The following GET4 variants were observed in gnomAD, a reference collection of about 807,000 sequenced individuals.
GET4 encodes the protein Golgi to ER traffic protein 4 homolog.
A neutral mutation model predicts 40.0 loss-of-function variants in GET4; 20 were observed. The ratio of observed to expected loss-of-function variants is 0.50; its 90% CI spans 0.35 to 0.73. The LOEUF is 0.73. Among genes scored for constraint, GET4 ranks in the 30% least tolerant of loss-of-function variants. The probability of loss-of-function intolerance (pLI) is 0.01; values close to 1 mark genes in which losing one functional copy is unlikely to be tolerated. For synonymous variants in GET4, 280 were observed against 194.6 expected, an observed-to-expected ratio of 1.44 and a Z score of -3.65; for missense variants, 557 against 454.0, an observed-to-expected ratio of 1.23 and a Z score of -2.06.
intron 1 of GET4, chr7:884,176 T>C: frequency 7.7e-7 from 1 of 1,296,638 alleles, no homozygotes; most frequent in African/African-American, 1.5e-5. Flanking sequence ...AAGCAGAAGC[T>C]GGTGTGGTGC....
intron 4 of GET4, among the ~76,000 whole-genome samples, chr7:887,928 T>C (rs750927330): frequency 4.9e-4 from 75 of 152,142 alleles, no homozygotes; most frequent in Non-Finnish European, 7.9e-4. Context: ...TGTGGTGGGG[T>C]CTGGCTGTCT....
intron 4 of GET4, among the ~76,000 whole-genome samples, chr7:887,858 G>A (rs952874863): frequency 6.6e-6 from 1 of 152,164 alleles, no homozygotes; most frequent in African/African-American, 2.4e-5. Context: ...GCTGTGCCCT[G>A]TTTTTCTCCT....
chr7:888,779 CAG>C (rs1844248101), intron 4 of GET4, among the ~76,000 whole-genome samples: 1 of 152,266 alleles, frequency 6.6e-6, no homozygotes, highest in Non-Finnish European at 1.5e-5. Flanking sequence ...TGGCTCCACA[CAG>C]AACACGGCCG....
chr7:895,308 G>T, intron 8 of GET4, 26 bp from the exon 9 acceptor site: 1 of 1,262,970 alleles, frequency 7.9e-7, no homozygotes, highest in South Asian at 1.2e-5. Flanking sequence ...GCCCAGGCGT[G>T]ACTGCCACGG....
At chr7:894,057 C>A in intron 8 of GET4, 86 bp downstream of exon 8, 1 of 745,572 alleles carries the variant, frequency 1.3e-6, no homozygotes, top group Non-Finnish European at 2.1e-6. Context: ...CCAGTGCGGT[C>A]CTTCACGTGG....
chr7:882,167 T>C (rs889837738), intron 1 of GET4: 1 of 152,282 alleles, frequency 6.6e-6, no homozygotes, highest in African/African-American at 2.4e-5. Flanking sequence ...TAGAACCATT[T>C]AGAGTCCTCT....
intron 6 of GET4, among the ~76,000 whole-genome samples, chr7:893,292 GGGCGCGGGCGCGGT>G (rs1844378332): frequency 3.8e-5 from 5 of 133,000 alleles, no homozygotes; most frequent in African/African-American, 1.5e-4. Context: ...GGTGAGTGTT[GGGCGCGGGCGCGGT>G]GGTGTGTGCA....
At chr7:883,819 G>A (rs1844132084) in intron 1 of GET4, 4 of 992,784 alleles carry the variant, frequency 4.0e-6, no homozygotes, top group Non-Finnish European at 4.8e-6. Context: ...AGGAGAAGCC[G>A]TCCACGTTCA....
chr7:877,553 A>G (rs1348352484), intron 1 of GET4, among the ~76,000 whole-genome samples: 2 of 106,546 alleles, frequency 1.9e-5, no homozygotes, highest in Non-Finnish European at 3.7e-5. Flanking sequence ...TCCCCAGCCT[A>G]CCACTGTCCT....
At chr7:894,656 C>A (rs1844431297) in intron 8 of GET4, among the ~76,000 whole-genome samples, 1 of 152,332 alleles carries the variant, frequency 6.6e-6, no homozygotes, top group East Asian at 1.9e-4. Context: ...GTCGAAACCG[C>A]AGCCTGAGCT....
rs1029680502 is a variant in GET4, at chr7:881,466, A to T, written c.156-4590A>T. ...ACTTTCTGTCTAACCGCTTGAATTC[A>T]TTCACCACGGAGGCTGGGAGACTCC... On this transcript the variant is annotated intron_variant, in intron 1 of 8. Transcript: ENST00000265857. 13 of 152,030 alleles carry T rather than the reference A, an allele frequency of 8.6e-5. 1 individual carries two copies. Among genetic ancestry groups the T allele is most frequent in the Admixed American group, 7.9e-4 (12 of 15,258 alleles). The allele number at this position is 152,030 out of a possible 1,614,324, so 9.4% of individuals were successfully genotyped here.
At chr7:878,286 T>C (rs543241675) in intron 1 of GET4, 2 of 471,142 alleles carry the variant, frequency 4.2e-6, no homozygotes, top group African/African-American at 4.0e-5. Context: ...TGTTCCAGTA[T>C]TTTTGCTGTC....
At chr7:878,243 G>T (rs889665927) in intron 1 of GET4, 2 of 470,738 alleles carry the variant, frequency 4.2e-6, no homozygotes, top group African/African-American at 4.0e-5. Context: ...CCAGGCTGCT[G>T]CGTGGCTTGG....
chr7:894,772 G>A (rs894250194), intron 8 of GET4, among the ~76,000 whole-genome samples: 1 of 152,252 alleles, frequency 6.6e-6, no homozygotes, highest in Non-Finnish European at 1.5e-5. Context: ...AAAGAACACG[G>A]TGTAACGTCT....
At chr7:878,574 CTTT>C (rs1261640394) in intron 1 of GET4, among the ~76,000 whole-genome samples, 4 of 130,424 alleles carry the variant, frequency 3.1e-5, no homozygotes, top group Admixed American at 7.8e-5. Flanking sequence ...TTTTAATAAA[CTTT>C]TTTTTTTTTT....
intron 1 of GET4, chr7:883,948 C>A: frequency 9.4e-7 from 1 of 1,059,914 alleles, no homozygotes. Flanking sequence ...TTCCCCTTGC[C>A]CGGCTCCCAG....
intron 4 of GET4, among the ~76,000 whole-genome samples, chr7:889,764 AGCGGGTGTT>A: frequency 1.2e-5 from 1 of 80,312 alleles, no homozygotes; most frequent in Admixed American, 1.4e-4. Context: ...AGGGAGCGCG[AGCGGGTGTT>A]AGGACGGGGC....
chr7:893,359 G>T (rs1478615314), intron 6 of GET4, among the ~76,000 whole-genome samples: 6 of 129,994 alleles, frequency 4.6e-5, no homozygotes, highest in Non-Finnish European at 8.5e-5. Context: ...GCAGGTGAGT[G>T]TTGGGTGTGG....
intron 1 of GET4, chr7:878,154 GC>G (rs1439210158): frequency 6.4e-5 from 27 of 420,740 alleles, no homozygotes; most frequent in East Asian, 4.3e-4. Context: ...GGCCGGTGTA[GC>G]CTGGAGGGCG....
Sources: allele counts gnomAD v4.1 joint callset (sites outside exome capture counted in the v4.1 genomes callset), GRCh38; gene constraint gnomAD v4.1.1; transcripts MANE v1.5; gene names NCBI Gene and HGNC (gene_info 2026-07-23, HGNC 2026-07-21).